Variants in SKP2 observed in about 807,000 individuals in gnomAD.
SKP2 encodes S-phase kinase-associated protein 2.
A neutral mutation model predicts 51.8 loss-of-function variants in SKP2; 16 were observed. The ratio of observed to expected loss-of-function variants is 0.31; its 90% CI spans 0.21 to 0.47. SKP2 has a LOEUF of 0.47. Ranked by LOEUF, SKP2 falls within the 20% of genes least tolerant of loss-of-function variation. The pLI is 1.00. For missense variants in SKP2, 377 were observed against 505.3 expected (o/e 0.75, Z 2.43); for synonymous variants, 176 against 198.6 (o/e 0.89, Z 0.96).
In SKP2 at chr5:36,159,796, A is replaced by G. The variant is rs151093680; in HGVS notation, c.281-3849A>G. 5.9e-5 allele frequency among the ~76,000 whole-genome samples: 9 copies of G among 152,314 alleles called. 1 individual carries two copies. In the East Asian group the frequency reaches 1.7e-3, roughly 29 times the overall value. ...AGTGCTTCCTGGCATCACTTCCCAA[A>G]TAAACTACTTGAAGTCAGAGCTTCA... is the stretch of plus-strand genomic sequence containing the variant. On this transcript the variant is annotated intron_variant, in intron 2 of 9. Coordinates refer to ENST00000274255, the MANE Select transcript of SKP2 (RefSeq NM_005983.4).
intron 1 of SKP2, 96 bp downstream of exon 1, chr5:36,152,366 T>C: frequency 3.5e-6 from 4 of 1,153,000 alleles, no homozygotes; most frequent in Non-Finnish European, 3.9e-6. Flanking sequence ...TTGTTAGTAA[T>C]GCTGTTAAGT....
rs758833259 is a variant in SKP2, at chr5:36,170,355, A to G, written c.683A>G (p.Lys228Arg). The G allele has an allele frequency of 6.2e-7, 1 of 1,610,628 alleles. No individual in the cohort carries two copies. The highest frequency in any genetic ancestry group is 8.5e-7 in the Non-Finnish European group (1 of 1,177,888). Residue 228 changes from lysine (K) to arginine (R), a missense_variant, in exon 6 of 10, where the codon AAA (lysine) becomes AGA (arginine). By Grantham distance (26) the Lys-to-Arg change is conservative. Around this residue, in one of 2 missense-constraint regions of SKP2, gnomAD observed 262 missense variants for 389.8 expected, o/e 0.67. Transcript: ENST00000274255. ...TTCTCTTTTTCCAGTACTCTCGCAA[A>G]AAACTCAAATTTAGTGCGACTTAAC... ...LSDPIVNTLA[K>R]NSNLVRLNLS... is the part of the protein sequence containing the mutation.
At chr5:36,152,683 A>G (rs1032061395) in intron 1 of SKP2, 88 bp from the exon 2 acceptor site, 64 of 1,388,178 alleles carry the variant, frequency 4.6e-5, no homozygotes, top group African/African-American at 4.5e-4. Flanking sequence ...GTTTCCTACA[A>G]TGCATAAACT....
Position 36,182,078 on chromosome 5 carries a change from G to A in SKP2, c.*47G>A, listed in dbSNP as rs1455820400. 1.3e-6 allele frequency: 2 copies of A among 1,596,036 alleles called. No individual in the cohort carries two copies. Among genetic ancestry groups the A allele is most frequent in the African/African-American group, 1.3e-5 (1 of 74,410 alleles). On this transcript the variant is annotated 3_prime_UTR_variant, in exon 10 of 10. Transcript: ENST00000274255. ...TCTCTTCTTTAGAACAGGGAAAATAGGCAGGAAGCCCAATTGCTGGAGTAC... is the reference window on the plus strand; with the variant it reads ...TCTCTTCTTTAGAACAGGGAAAATAAGCAGGAAGCCCAATTGCTGGAGTAC...
Position 36,184,055 on chromosome 5 carries a change from C to T in SKP2, c.*2024C>T. 9.9e-7 allele frequency: 1 copy of T among 1,009,632 alleles called. No homozygotes were observed. Among genetic ancestry groups the T allele is most frequent in the Non-Finnish European group, 1.5e-6 (1 of 681,566 alleles). The allele number at this position is 1,009,632 out of a possible 1,614,324, so 62.5% of individuals were successfully genotyped here. A position where few individuals can be genotyped will look rare whatever the true frequency, so the allele number is the denominator to read the frequency against. On this transcript the variant is annotated 3_prime_UTR_variant, in exon 10 of 10. Transcript: ENST00000274255. ...TGAGTGCTTAAACTAAGTTGTATTC[C>T]TTTTTTCTTTCTCTTTTTTTAAGTG... is the stretch of plus-strand genomic sequence containing the variant.
chr5:36,163,876 G>C (rs184388526), intron 3 of SKP2, 120 bp downstream of exon 3: 1 of 642,926 alleles, frequency 1.6e-6, no homozygotes. Flanking sequence ...AAGCAAACTA[G>C]GTATCTTCAT....
chr5:36,187,999 C>T (rs1018702133), downstream of SKP2, among the ~76,000 whole-genome samples: 10 of 151,786 alleles, frequency 6.6e-5, 1 homozygote, highest in Admixed American at 5.3e-4. Context: ...ATGGCCTTGT[C>T]TCTTTTGATC....
intron 3 of SKP2, among the ~76,000 whole-genome samples, chr5:36,164,381 G>A (rs1385501303): frequency 6.6e-6 from 1 of 152,194 alleles, no homozygotes; most frequent in Non-Finnish European, 1.5e-5. Flanking sequence ...AGTGTGGAAG[G>A]TGAGTTGCAT....
At position 36,182,335 on chromosome 5, in the gene SKP2, CT is replaced by C. The variant is rs1303709708; in HGVS notation, c.*306del. On this transcript the variant is annotated 3_prime_UTR_variant, in exon 10 of 10. Coordinates refer to ENST00000274255, the MANE Select transcript of SKP2 (RefSeq NM_005983.4). The stretch of plus-strand genomic sequence containing the variant: ...ATTTGAGCCACCTCTTCCAAGTGCC[CT>C]TCTTACTAAGTCTATTCAGAATCAA... The C allele has an allele frequency of 1.8e-6, 2 of 1,121,312 alleles. No individual in the cohort carries two copies. Among genetic ancestry groups the C allele is most frequent in the Non-Finnish European group, 2.2e-6 (2 of 915,460 alleles). The allele number at this position is 1,121,312 out of a possible 1,614,324, so 69.5% of individuals were successfully genotyped here.
At chr5:36,184,527 C>T (rs1745921861), downstream of SKP2, among the ~76,000 whole-genome samples, 1 of 152,032 alleles carries the variant, frequency 6.6e-6, no homozygotes. Context: ...TTTTTTTGTC[C>T]TTACGGTAGT....
chr5:36,177,002 C>T lies in SKP2; in HGVS notation c.939C>T (p.Val313=), dbSNP rs1745655480. ...TAGTTAGAAGATGCCCCAATCTTGTCCATCTAGACTTAAGGTATTTTTTTA... is the reference window on the plus strand; with the variant it reads ...TAGTTAGAAGATGCCCCAATCTTGTTCATCTAGACTTAAGGTATTTTTTTA... ...STLVRRCPNL[V]HLDLSDSVML... The change falls in exon 8 of 10, where the codon GTC becomes GTT. Residue 313 remains valine, a synonymous_variant. Coordinates refer to ENST00000274255, the MANE Select transcript of SKP2 (RefSeq NM_005983.4). 1 of 1,594,780 alleles carries T rather than the reference C, an allele frequency of 6.3e-7. No homozygotes were observed. Among genetic ancestry groups the T allele is most frequent in the East Asian group, 2.2e-5 (1 of 44,730 alleles).
At chr5:36,177,049 G>A (rs757031436) in intron 8 of SKP2, 33 bp downstream of exon 8, 29 of 1,501,302 alleles carry the variant, frequency 1.9e-5, no homozygotes, top group Admixed American at 8.8e-5. Flanking sequence ...TAGATCAAAA[G>A]TTGAAAAATC....
In SKP2 at chr5:36,192,967, C is replaced by G. The variant is rs138350402; in HGVS notation, c.707+272C>G. ...ACACATTTTTGCTATGCTAACATTCCTTTGCCTCTTATTCTTACAAATAAA... is the reference window on the plus strand; with the variant it reads ...ACACATTTTTGCTATGCTAACATTCGTTTGCCTCTTATTCTTACAAATAAA... On this transcript the variant is annotated intron_variant, in intron 7 of 7. Transcript: ENST00000677886. 3.3e-5 allele frequency: 5 copies of G among 152,256 alleles called. No individual in the cohort carries two copies. In the East Asian group the frequency reaches 9.6e-4, roughly 29 times the overall value. 9.4% of individuals were successfully genotyped at this position (152,256 alleles called of 1,614,324 possible). A position where few individuals can be genotyped will look rare whatever the true frequency, so the allele number is the denominator to read the frequency against.
At chr5:36,180,089 C>A (rs533783034) in intron 9 of SKP2, 9 of 425,346 alleles carry the variant, frequency 2.1e-5, no homozygotes, top group Non-Finnish European at 3.7e-5. Context: ...AATGCTGTTG[C>A]AAGAACATGT....
chr5:36,166,717 G>C, intron 4 of SKP2, 55 bp downstream of exon 4: 3 of 1,207,838 alleles, frequency 2.5e-6, no homozygotes, highest in Non-Finnish European at 3.5e-6. Context: ...GGTAGAAACA[G>C]ATCAAAGCTT....
intron 6 of SKP2, among the ~76,000 whole-genome samples, chr5:36,191,724 C>A (rs1042105502): frequency 1.3e-4 from 20 of 152,142 alleles, no homozygotes; most frequent in Non-Finnish European, 5.9e-5. Flanking sequence ...AGAGACTGGG[C>A]AAACTAGAAA....
intron 6 of SKP2, among the ~76,000 whole-genome samples, chr5:36,192,110 T>TA (rs962565689): frequency 1.8e-4 from 27 of 152,242 alleles, no homozygotes; most frequent in African/African-American, 3.9e-4. Context: ...TGATTTTCTT[T>TA]AAAAAAAGTC....
chr5:36,154,879 TC>T (rs1378524617), intron 2 of SKP2, among the ~76,000 whole-genome samples: 1 of 152,126 alleles, frequency 6.6e-6, no homozygotes, highest in East Asian at 1.9e-4. Flanking sequence ...GTGGTCAGAT[TC>T]CGGATATATT....
At chr5:36,180,328 CT>C in intron 9 of SKP2, 1 of 1,049,720 alleles carries the variant, frequency 9.5e-7, no homozygotes, top group Non-Finnish European at 1.3e-6. Flanking sequence ...ATACTGTGAT[CT>C]TACTTCGACA....
Sources: gnomAD v4.1 joint callset for allele counts (sites outside exome capture counted in the v4.1 genomes callset) on GRCh38, gnomAD v4.1.1 for gene constraint, gnomAD v4.1.1 regional missense constraint, MANE v1.5 for transcripts, NCBI Gene and HGNC (gene_info 2026-07-23, HGNC 2026-07-21) for gene names.